Variants in ARSK observed in about 807,000 individuals in gnomAD.
ARSK encodes arylsulfatase family member K, also known as arylsulfatase K.
Under a neutral mutation model 53.2 loss-of-function variants are expected in ARSK, and 37 were observed. That is an observed-to-expected ratio of 0.70 (90% CI 0.54 to 0.92). The LOEUF is 0.92. Ranked by LOEUF, ARSK falls within the 40% of genes least tolerant of loss-of-function variation. The pLI is 0.00. For synonymous variants in ARSK, 208 were observed against 223.2 expected (o/e 0.93, Z 0.61); for missense variants, 613 against 643.0 (o/e 0.95, Z 0.51).
intron 6 of ARSK, among the ~76,000 whole-genome samples, chr5:95,593,267 A>G (rs1749247931): frequency 6.6e-6 from 1 of 152,120 alleles, no homozygotes; most frequent in Non-Finnish European, 1.5e-5. Context: ...AAGGTATTGT[A>G]AAAGATTATG....
At chr5:95,599,790 T>A (rs1339699160) in intron 6 of ARSK, among the ~76,000 whole-genome samples, 1 of 152,240 alleles carries the variant, frequency 6.6e-6, no homozygotes, top group Non-Finnish European at 1.5e-5. Context: ...TATAGCGGTC[T>A]TCATCTACTT....
intron 6 of ARSK, among the ~76,000 whole-genome samples, chr5:95,592,365 A>T (rs955266791): frequency 6.6e-6 from 1 of 152,204 alleles, no homozygotes; most frequent in Admixed American, 6.5e-5. Flanking sequence ...TTAAAATGTG[A>T]AAGAAAGATG....
Position 95,555,218 on chromosome 5 carries a change from G to A in ARSK, c.-61G>A, listed in dbSNP as rs1748463728. The A allele has an allele frequency of 6.6e-7, 1 of 1,510,646 alleles. No homozygotes were observed. Among genetic ancestry groups the A allele is most frequent in the Non-Finnish European group, 8.9e-7 (1 of 1,122,146 alleles). 93.6% of individuals were successfully genotyped at this position (1,510,646 alleles called of 1,614,324 possible). A position where few individuals can be genotyped will look rare whatever the true frequency, so the allele number is the denominator to read the frequency against. On this transcript the variant is annotated 5_prime_UTR_variant, in exon 1 of 8. Transcript: ENST00000380009. This position sits in a 1 kb window ranked among gnomAD's most constrained non-coding sequence, Gnocchi z 4.0. ...CGCTGTCCCTGCCCTGCTCTGCTAGGGAGAGAACGCCAGAGGGAGGCGGCT... is the reference window on the plus strand; with the variant it reads ...CGCTGTCCCTGCCCTGCTCTGCTAGAGAGAGAACGCCAGAGGGAGGCGGCT...
intron 5 of ARSK, among the ~76,000 whole-genome samples, chr5:95,590,022 C>T (rs572111439): frequency 2.6e-5 from 4 of 152,222 alleles, no homozygotes; most frequent in Non-Finnish European, 2.9e-5. Flanking sequence ...TGAGCATAAT[C>T]GGTAAACATT....
intron 5 of ARSK, 121 bp downstream of exon 5, chr5:95,586,854 C>A: frequency 1.3e-6 from 1 of 767,506 alleles, no homozygotes; most frequent in Non-Finnish European, 2.0e-6. Context: ...GGAATCTTGA[C>A]ACTTATCAAA....
rs1749444911 is a variant in ARSK at position 95,603,465 on chromosome 5, G to A, written c.1550G>A (p.Arg517Lys). Reference protein sequence around the residue: ...RWHQDWQKEPRKYENAIDQWL... With the variant: ...RWHQDWQKEPKKYENAIDQWL... Reference sequence around the variant, plus strand: ...CACCAAGACTGGCAGAAGGAACCAAGGAAGTATGAAAATGCAATTGATCAG... The same window carrying A: ...CACCAAGACTGGCAGAAGGAACCAAAGAAGTATGAAAATGCAATTGATCAG... Residue 517 changes from arginine to lysine, a missense_variant, in exon 8 of 8, where the codon AGG (arginine) becomes AAG (lysine). By Grantham distance (26) the Arg-to-Lys change is conservative (BLOSUM62 2). Coordinates refer to ENST00000380009, the MANE Select transcript of ARSK (RefSeq NM_198150.3). The A allele has an allele frequency of 6.2e-7, 1 of 1,613,004 alleles. No individual in the cohort carries two copies. The highest frequency in any genetic ancestry group is 8.5e-7 in the Non-Finnish European group (1 of 1,179,700).
At chr5:95,592,059 C>T (rs1749227209) in intron 6 of ARSK, among the ~76,000 whole-genome samples, 1 of 152,144 alleles carries the variant, frequency 6.6e-6, no homozygotes, top group Non-Finnish European at 1.5e-5. Context: ...ATTTGCTTTA[C>T]TAGCTTCTTA....
chr5:95,567,707 C>T (rs1298220347), intron 2 of ARSK, among the ~76,000 whole-genome samples, 183 bp from the exon 3 acceptor site: 1 of 152,192 alleles, frequency 6.6e-6, no homozygotes, highest in African/African-American at 2.4e-5. Context: ...TAACTCCCCA[C>T]AGAGTATCAC....
intron 3 of ARSK, among the ~76,000 whole-genome samples, chr5:95,576,435 G>A (rs1163080996): frequency 1.3e-5 from 2 of 151,564 alleles, no homozygotes; most frequent in African/African-American, 4.8e-5. Flanking sequence ...CTGACCTCGT[G>A]ATCCGCCCGC....
intron 5 of ARSK, among the ~76,000 whole-genome samples, chr5:95,589,972 T>C (rs1273725392): frequency 6.6e-6 from 1 of 152,234 alleles, no homozygotes; most frequent in Non-Finnish European, 1.5e-5. Context: ...ATTACCATTC[T>C]AACTGGCAAT....
chr5:95,587,551 T>C (rs1749141022), intron 5 of ARSK, among the ~76,000 whole-genome samples: 1 of 152,092 alleles, frequency 6.6e-6, no homozygotes, highest in African/African-American at 2.4e-5. Context: ...TAGAAAAGTA[T>C]ACAGCAAGAA....
At chr5:95,580,096 G>A (rs776717167) in intron 3 of ARSK, among the ~76,000 whole-genome samples, 2 of 152,096 alleles carry the variant, frequency 1.3e-5, no homozygotes, top group Non-Finnish European at 2.9e-5. Context: ...CAAGCAGCAG[G>A]GTAAATTTAT....
intron 6 of ARSK, among the ~76,000 whole-genome samples, chr5:95,595,535 G>A (rs1177050878): frequency 6.6e-6 from 1 of 152,158 alleles, no homozygotes; most frequent in Non-Finnish European, 1.5e-5. Flanking sequence ...AATGGAACTG[G>A]AGGCCATTAT....
rs748112752 is a variant in ARSK at position 95,580,920 on chromosome 5, A to G, written c.417-1996A>G. 8 of 1,288,362 alleles carry G rather than the reference A, an allele frequency of 6.2e-6. No individual in the cohort carries two copies. In the South Asian group the frequency reaches 8.7e-5, roughly 14 times the overall value. 79.8% of individuals were successfully genotyped at this position (1,288,362 alleles called of 1,614,324 possible). A position where few individuals can be genotyped will look rare whatever the true frequency, so the allele number is the denominator to read the frequency against. ...CAGTGAACGTGGGTCAACTAATCAA[A>G]GAAGTGAAAAAGTTTGAGAAAGGTA... On this transcript the variant is annotated intron_variant, in intron 3 of 7. Coordinates refer to ENST00000380009, the MANE Select transcript of ARSK (RefSeq NM_198150.3).
intron 3 of ARSK, among the ~76,000 whole-genome samples, chr5:95,570,744 G>T (rs1748814052): frequency 6.6e-6 from 1 of 151,984 alleles, no homozygotes; most frequent in Admixed American, 6.6e-5. Flanking sequence ...TTATGAAAAT[G>T]GCTTAACCAG....
Position 95,560,726 on chromosome 5 carries a change from A to T in ARSK, c.127-5272A>T, listed in dbSNP as rs184601684. ...TGATTGATTAATCAAATGTAAAACTAAAAAACTCTTACAAGAAAACATAGG... is the reference window on the plus strand; with the variant it reads ...TGATTGATTAATCAAATGTAAAACTTAAAAACTCTTACAAGAAAACATAGG... On this transcript the variant is annotated intron_variant, in intron 1 of 7. Transcript: ENST00000380009. 2.6e-3 allele frequency among the ~76,000 whole-genome samples: 401 copies of T among 152,204 alleles called. 5 individuals are homozygous for T. The highest frequency in any genetic ancestry group is 5.9e-4 in the Non-Finnish European group (40 of 68,020).
Position 95,568,893 on chromosome 5 carries a change from G to A in ARSK, c.416+844G>A, listed in dbSNP as rs78687301. Among the ~76,000 whole-genome samples the A allele has an allele frequency of 9.2e-3, 1,403 of 152,206 alleles. 21 individuals carry two copies. The highest frequency in any genetic ancestry group is 0.032 in the African/African-American group (1,335 of 41,516). On this transcript the variant is annotated intron_variant, in intron 3 of 7. Transcript: ENST00000380009. ...GGGTGCTTATATAATCAGCACCCCC[G>A]CCTAAAAAACTTGGGTACTGATTCT...
chr5:95,583,262 C>G, intron 4 of ARSK, 64 bp downstream of exon 4: 3 of 1,320,084 alleles, frequency 2.3e-6, no homozygotes, highest in South Asian at 2.3e-5. Flanking sequence ...GGTATTTGCT[C>G]ATTGTTTCTT....
chr5:95,556,619 A>T (rs1407456506), intron 1 of ARSK: 1 of 185,658 alleles, frequency 5.4e-6, no homozygotes, highest in African/African-American at 2.3e-5. Flanking sequence ...GGATCACAAC[A>T]TCCCAGAAAC....
Sources: gnomAD v4.1 joint callset for allele counts (sites outside exome capture counted in the v4.1 genomes callset) on GRCh38, gnomAD v4.1.1 for gene constraint, Gnocchi (gnomAD v3.1) non-coding constraint, MANE v1.5 for transcripts, NCBI Gene and HGNC (gene_info 2026-07-23, HGNC 2026-07-21) for gene names.